Variants in NRXN1 observed in about 807,000 individuals in gnomAD.
NRXN1 encodes the protein neurexin 1.
A neutral mutation model predicts 150.9 loss-of-function variants in NRXN1; 39 were observed. That is an observed-to-expected ratio of 0.26 (90% CI 0.20 to 0.34). The LOEUF (loss-of-function observed/expected upper bound fraction) is 0.34, where lower values mean the gene tolerates loss of function less well. Among genes scored for constraint, NRXN1 ranks in the 10% least tolerant of loss-of-function variants. The pLI is 1.00. For synonymous variants in NRXN1, 924 were observed against 757.0 expected (o/e 1.22, Z -3.62); for missense variants, 1,815 against 1,949.9 (o/e 0.93, Z 1.30).
At chr2:50,860,492 G>A (rs1345013009) in intron 5 of NRXN1, among the ~76,000 whole-genome samples, 4 of 152,064 alleles carry the variant, frequency 2.6e-5, no homozygotes, top group African/African-American at 9.7e-5. Flanking sequence ...AAAGGTGAAA[G>A]GTCATTTCTG....
At chr2:50,345,139 C>T (rs934435548) in intron 17 of NRXN1, among the ~76,000 whole-genome samples, 1 of 152,182 alleles carries the variant, frequency 6.6e-6, no homozygotes, top group Non-Finnish European at 1.5e-5. Context: ...ACATCACTCT[C>T]GTCTCCATAC....
intron 5 of NRXN1, among the ~76,000 whole-genome samples, chr2:50,754,902 G>T (rs976329118): frequency 1.3e-5 from 2 of 151,770 alleles, no homozygotes; most frequent in African/African-American, 4.8e-5. Flanking sequence ...TTGAACACAA[G>T]ACATTTTTAA....
chr2:50,315,289 A>C (rs1394926532), intron 17 of NRXN1, among the ~76,000 whole-genome samples: 1 of 152,060 alleles, frequency 6.6e-6, no homozygotes, highest in Non-Finnish European at 1.5e-5. Context: ...AGGCAATTAA[A>C]AGTTACTGAA....
intron 18 of NRXN1, among the ~76,000 whole-genome samples, chr2:50,112,271 C>T (rs1455792018): frequency 6.6e-6 from 1 of 152,184 alleles, no homozygotes; most frequent in Admixed American, 6.5e-5. Flanking sequence ...TTATCTTGGG[C>T]TTAAACTCCC....
intron 18 of NRXN1, among the ~76,000 whole-genome samples, chr2:50,214,694 T>C (rs2063273002): frequency 6.6e-6 from 1 of 152,028 alleles, no homozygotes; most frequent in Non-Finnish European, 1.5e-5. Context: ...TCTCTCTAGA[T>C]TTCATGCAGA....
chr2:50,655,928 T>A (rs1469577052), intron 5 of NRXN1, among the ~76,000 whole-genome samples: 1 of 151,998 alleles, frequency 6.6e-6, no homozygotes, highest in Admixed American at 6.6e-5. Context: ...AAATGTGGTG[T>A]AATTAAACTC....
intron 17 of NRXN1, among the ~76,000 whole-genome samples, chr2:50,410,102 G>T (rs943164674): frequency 2.0e-5 from 3 of 151,464 alleles, no homozygotes; most frequent in African/African-American, 4.9e-5. Flanking sequence ...TATCCCTCCT[G>T]CTCCCCTACA....
Position 50,497,500 on chromosome 2 carries a change from T to C in NRXN1, c.2712A>G (p.Ala904=). ...ATTTGGTCTTGAAGGTGACAGGATC[T>C]GCTATGATGTTCCTGAAGCCAAATC... ...NARFGFRNII[A]DPVTFKTKSS... Residue 904 remains alanine (A), a synonymous_variant, in exon 14 of 23, where the codon GCA becomes GCG. Coordinates refer to ENST00000401669, the MANE Select transcript of NRXN1 (RefSeq NM_001330078.2). The C allele has an allele frequency of 6.2e-7, 1 of 1,613,932 alleles. No homozygotes were observed. The highest frequency in any genetic ancestry group is 8.5e-7 in the Non-Finnish European group (1 of 1,179,828).
chr2:50,372,541 C>T (rs1427034486), intron 17 of NRXN1, among the ~76,000 whole-genome samples: 1 of 151,934 alleles, frequency 6.6e-6, no homozygotes, highest in African/African-American at 2.4e-5. Flanking sequence ...CAGTACTTTG[C>T]CCAGAGGTTG....
At position 50,497,432 on chromosome 2, in the gene NRXN1, A is replaced by G. The variant is rs1352284294; in HGVS notation, c.2780T>C (p.Met927Thr). 1 of 1,613,092 alleles carries G rather than the reference A, an allele frequency of 6.2e-7. No homozygotes were observed. Among genetic ancestry groups the G allele is most frequent in the African/African-American group, 1.3e-5 (1 of 75,054 alleles). Residue 927 changes from methionine to threonine, a missense_variant, in exon 14 of 23, where the codon ATG becomes ACG. This residue lies in a region of NRXN1 where 339 missense variants were observed against 440.3 expected (regional missense o/e 0.77). Transcript: ENST00000401669. ...ALATLQAYTS[M>T]HLFFQFKTTS... Reference sequence around the variant, plus strand: ...TGTCTTGAACTGGAAAAAAAGATGCATAGAAGTGTAGGCTTGCAAGGTAGC... The same window carrying G: ...TGTCTTGAACTGGAAAAAAAGATGCGTAGAAGTGTAGGCTTGCAAGGTAGC...
chr2:50,179,514 T>G (rs911202949), intron 18 of NRXN1, among the ~76,000 whole-genome samples: 2 of 152,124 alleles, frequency 1.3e-5, no homozygotes, highest in African/African-American at 4.8e-5. Flanking sequence ...TCCCCATCCC[T>G]TCTCTAAAGG....
intron 18 of NRXN1, among the ~76,000 whole-genome samples, chr2:50,201,426 C>T (rs994674159): frequency 4.6e-5 from 7 of 152,046 alleles, no homozygotes; most frequent in East Asian, 1.9e-4. Flanking sequence ...AATGAGTACT[C>T]GTTGTAAATA....
At chr2:50,722,862 C>T (rs1232262278) in intron 5 of NRXN1, among the ~76,000 whole-genome samples, 3 of 152,134 alleles carry the variant, frequency 2.0e-5, no homozygotes, top group Admixed American at 6.6e-5. Context: ...ACTCATAAAT[C>T]GTCTTGCCTT....
intron 21 of NRXN1, among the ~76,000 whole-genome samples, chr2:49,965,427 C>A (rs1676793378): frequency 6.6e-6 from 1 of 151,882 alleles, no homozygotes. Flanking sequence ...CCACCACGCC[C>A]AGCTAATTTT....
intron 5 of NRXN1, among the ~76,000 whole-genome samples, chr2:50,852,204 C>T (rs1293678903): frequency 1.3e-5 from 2 of 152,144 alleles, no homozygotes; most frequent in Admixed American, 6.5e-5. Flanking sequence ...AGGCACTAGT[C>T]ACTCATAGCT....
At chr2:50,084,298 G>A (rs944097763) in intron 19 of NRXN1, among the ~76,000 whole-genome samples, 2 of 152,200 alleles carry the variant, frequency 1.3e-5, no homozygotes, top group Admixed American at 6.5e-5. Flanking sequence ...GTGGCGGGGG[G>A]ACACTGGGGA....
chr2:50,962,120 A>G (rs1436190312), intron 2 of NRXN1, among the ~76,000 whole-genome samples: 1 of 151,800 alleles, frequency 6.6e-6, no homozygotes, highest in Non-Finnish European at 1.5e-5. Flanking sequence ...AATTAACAGA[A>G]TACTCTCACC....
chr2:50,497,223 C>T lies in NRXN1; in HGVS notation c.2879+110G>A, dbSNP rs201485108. On this transcript the variant is annotated intron_variant, in intron 14 of 22. Coordinates refer to ENST00000401669, the MANE Select transcript of NRXN1 (RefSeq NM_001330078.2). ...CTTCTTATTTGTCCTCCACCTGCTC[C>T]GGCCCACCACCTTATGAGCCAGTAT... 441 of 739,818 alleles carry T rather than the reference C, an allele frequency of 6.0e-4. 5 individuals are homozygous for T. In the East Asian group the frequency reaches 0.011, roughly 19 times the overall value. 45.8% of individuals were successfully genotyped at this position (739,818 alleles called of 1,614,324 possible).
intron 21 of NRXN1, among the ~76,000 whole-genome samples, chr2:50,042,334 C>A (rs1363221564): frequency 1.3e-5 from 2 of 152,132 alleles, no homozygotes; most frequent in Admixed American, 1.3e-4. Flanking sequence ...TTCCCCCATG[C>A]TATTCTCATG....
Sources: gnomAD v4.1 joint callset for allele counts (sites outside exome capture counted in the v4.1 genomes callset) on GRCh38, gnomAD v4.1.1 for gene constraint, gnomAD v4.1.1 regional missense constraint, MANE v1.5 for transcripts, NCBI Gene and HGNC (gene_info 2026-07-23, HGNC 2026-07-21) for gene names.